The following COMMD1 variants were observed in gnomAD, a reference collection of about 807,000 sequenced individuals.
COMMD1 encodes copper metabolism domain containing 1, also known as COMM domain-containing protein 1.
In COMMD1, 10 loss-of-function variants were observed where a neutral mutation model predicts 17.2. The observed-to-expected ratio is 0.58, with a 90% CI of 0.36 to 0.99. The LOEUF is 0.99. Ranked by LOEUF, COMMD1 falls within the 50% of genes least tolerant of loss-of-function variation. The probability of loss-of-function intolerance (pLI) is 0.01; values close to 1 mark genes in which losing one functional copy is unlikely to be tolerated. For synonymous variants in COMMD1, 97 were observed against 91.6 expected, an observed-to-expected ratio of 1.06 and a Z score of -0.34; for missense variants, 270 against 231.8, an observed-to-expected ratio of 1.17 and a Z score of -1.07.
chr2:62,055,085 C>G (rs958542243), intron 2 of COMMD1, among the ~76,000 whole-genome samples: 4 of 152,180 alleles, frequency 2.6e-5, no homozygotes, highest in Admixed American at 2.0e-4. Context: ...ATACTCATAT[C>G]AAAACCCTAT....
chr2:62,058,134 G>A lies in COMMD1; in HGVS notation c.462+57152G>A, dbSNP rs542745379. Among the ~76,000 whole-genome samples, 9 of 152,124 alleles carry A rather than the reference G, an allele frequency of 5.9e-5. No homozygotes were observed. In the East Asian group the frequency reaches 1.5e-3, roughly 26 times the overall value. ...TTATTGAGACTTACCTTCTGATTTA[G>A]CATTTGATCTGTATTGGTGAATAGA... is the stretch of plus-strand genomic sequence containing the variant. On this transcript the variant is annotated intron_variant, in intron 2 of 2. Transcript: ENST00000311832.
chr2:61,943,226 G>A (rs1007588681), intron 1 of COMMD1, among the ~76,000 whole-genome samples: 1 of 152,142 alleles, frequency 6.6e-6, no homozygotes, highest in Admixed American at 6.5e-5. Flanking sequence ...GACCTATAAT[G>A]TGTAACCAGC....
At chr2:61,945,031 C>T (rs537658593) in intron 1 of COMMD1, among the ~76,000 whole-genome samples, 12 of 152,238 alleles carry the variant, frequency 7.9e-5, no homozygotes, top group East Asian at 7.7e-4. Flanking sequence ...TTGGCCAAGT[C>T]GGTTAGAGTT....
chr2:62,023,728 G>C (rs888891183), intron 2 of COMMD1, among the ~76,000 whole-genome samples: 4 of 152,038 alleles, frequency 2.6e-5, no homozygotes, highest in Non-Finnish European at 5.9e-5. Flanking sequence ...TGGGTGTTCC[G>C]CCCGCCTTGG....
intron 2 of COMMD1, among the ~76,000 whole-genome samples, chr2:62,062,140 C>T (rs1337350564): frequency 6.6e-6 from 1 of 152,048 alleles, no homozygotes; most frequent in Admixed American, 6.5e-5. Flanking sequence ...TTAACTCTTT[C>T]TAACCTTGAT....
chr2:62,061,374 A>G (rs1193340498), intron 2 of COMMD1, among the ~76,000 whole-genome samples: 1 of 152,122 alleles, frequency 6.6e-6, no homozygotes, highest in Admixed American at 6.6e-5. Context: ...GACTGAGTCT[A>G]ACACCAGCCC....
intron 2 of COMMD1, among the ~76,000 whole-genome samples, chr2:62,107,408 T>C (rs1362164410): frequency 6.6e-6 from 1 of 152,160 alleles, no homozygotes; most frequent in Admixed American, 6.5e-5. Context: ...GGTTGAAACA[T>C]GAGCTGGTGG....
intron 1 of COMMD1, among the ~76,000 whole-genome samples, chr2:61,952,139 T>C (rs1671073319): frequency 6.6e-6 from 1 of 152,202 alleles, no homozygotes. Flanking sequence ...CATTCCTGGG[T>C]ATAGGCCAAG....
chr2:62,005,793 C>T (rs1420844223), intron 2 of COMMD1, among the ~76,000 whole-genome samples: 1 of 151,560 alleles, frequency 6.6e-6, no homozygotes, highest in African/African-American at 2.4e-5. Context: ...GTGGCGATTC[C>T]TCAGGGATCT....
intron 1 of COMMD1, among the ~76,000 whole-genome samples, chr2:61,926,797 C>G (rs553348605): frequency 1.7e-4 from 26 of 152,102 alleles, no homozygotes; most frequent in Non-Finnish European, 2.8e-4. Context: ...CCTTTTATTC[C>G]CCCCTCCTGC....
rs570182422 is a variant in COMMD1, at chr2:62,015,117, A to G, written c.462+14135A>G. On this transcript the variant is annotated intron_variant, in intron 2 of 2. Coordinates refer to ENST00000311832, the MANE Select transcript of COMMD1 (RefSeq NM_152516.4). ...ATGATGTTGTATAACCATCACCACTATTTGCAGATCTTTCTTTTTTAAATC... is the reference window on the plus strand; with the variant it reads ...ATGATGTTGTATAACCATCACCACTGTTTGCAGATCTTTCTTTTTTAAATC... Among the ~76,000 whole-genome samples, 18 of 152,212 alleles carry G rather than the reference A, an allele frequency of 1.2e-4. 1 individual carries two copies. In the South Asian group the frequency reaches 3.7e-3, roughly 32 times the overall value.
At chr2:62,075,449 G>A (rs1334561546) in intron 2 of COMMD1, among the ~76,000 whole-genome samples, 1 of 152,114 alleles carries the variant, frequency 6.6e-6, no homozygotes, top group Non-Finnish European at 1.5e-5. Flanking sequence ...GAATCTCTGA[G>A]TTTAAGAGTA....
rs566087644 is a variant in COMMD1 at position 61,947,310 on chromosome 2, T to C, written c.180+41452T>C. Among the ~76,000 whole-genome samples, 145 of 152,310 alleles carry C rather than the reference T, an allele frequency of 9.5e-4. 1 individual carries two copies. Among genetic ancestry groups the C allele is most frequent in the Middle Eastern group, 3.4e-3 (1 of 294 alleles). On this transcript the variant is annotated intron_variant, in intron 1 of 2. Coordinates refer to ENST00000311832, the MANE Select transcript of COMMD1 (RefSeq NM_152516.4). Reference sequence around the variant, plus strand: ...CTTAGTATAACTTAAGGTTTCAAATTACCAAACAGATTTTGGAAATGACTT... The same window carrying C: ...CTTAGTATAACTTAAGGTTTCAAATCACCAAACAGATTTTGGAAATGACTT...
upstream of COMMD1, among the ~76,000 whole-genome samples, chr2:61,902,664 T>G (rs376348203): frequency 3.1e-4 from 47 of 152,268 alleles, no homozygotes; most frequent in African/African-American, 1.1e-3. Context: ...ATAATATTTT[T>G]CATGTATCAT....
chr2:61,973,046 GTTA>G (rs994920177), intron 1 of COMMD1, among the ~76,000 whole-genome samples: 16 of 151,868 alleles, frequency 1.1e-4, no homozygotes, highest in South Asian at 6.2e-4. Flanking sequence ...TGCTTTTTTT[GTTA>G]TTATTGTTCA....
chr2:62,013,211 T>G (rs1378254946), intron 2 of COMMD1, among the ~76,000 whole-genome samples: 1 of 152,144 alleles, frequency 6.6e-6, no homozygotes, highest in Non-Finnish European at 1.5e-5. Flanking sequence ...CAATTCTCTT[T>G]TTCCTTGAAA....
chr2:61,924,516 C>T (rs778721323), intron 1 of COMMD1, among the ~76,000 whole-genome samples: 4 of 151,876 alleles, frequency 2.6e-5, no homozygotes, highest in East Asian at 1.9e-4. Flanking sequence ...GAGAAGTCGT[C>T]GGCTAGGGCT....
chr2:62,063,019 C>T (rs765263541), intron 2 of COMMD1, among the ~76,000 whole-genome samples: 8 of 151,890 alleles, frequency 5.3e-5, no homozygotes, highest in Non-Finnish European at 8.8e-5. Context: ...GAGATCGAGA[C>T]CAGCCTGGCT....
rs187093823 is a variant in COMMD1 at position 61,943,664 on chromosome 2, G to A, written c.180+37806G>A. Among the ~76,000 whole-genome samples the A allele has an allele frequency of 5.9e-5, 9 of 152,166 alleles. No individual in the cohort carries two copies. In the East Asian group the frequency reaches 1.4e-3, roughly 23 times the overall value. On this transcript the variant is annotated intron_variant, in intron 1 of 2. Coordinates refer to ENST00000311832, the MANE Select transcript of COMMD1 (RefSeq NM_152516.4). ...AACCTGGCCAATATGGTGAAAACCC[G>A]TCTCTACTAAAAATACAAAAATCAG... is the stretch of plus-strand genomic sequence containing the variant.
Sources: allele counts gnomAD v4.1 joint callset (sites outside exome capture counted in the v4.1 genomes callset), GRCh38; gene constraint gnomAD v4.1.1; transcripts MANE v1.5; gene names NCBI Gene and HGNC (gene_info 2026-07-23, HGNC 2026-07-21).